PCCA: variants seen among roughly 807,000 people sequenced by gnomAD.
PCCA encodes the protein propionyl-CoA carboxylase subunit alpha.
A neutral mutation model predicts 101.3 loss-of-function variants in PCCA; 74 were observed. The ratio of observed to expected loss-of-function variants is 0.73; its 90% CI spans 0.61 to 0.89. The LOEUF is 0.89. Among genes scored for constraint, PCCA ranks in the 40% least tolerant of loss-of-function variants. The probability of loss-of-function intolerance (pLI) is 0.00; values close to 1 mark genes in which losing one functional copy is unlikely to be tolerated. For synonymous variants in PCCA, 294 were observed against 313.6 expected (o/e 0.94, Z 0.66); for missense variants, 891 against 907.0 (o/e 0.98, Z 0.23).
intron 15 of PCCA, among the ~76,000 whole-genome samples, chr13:100,307,484 A>G (rs550398259): frequency 2.6e-5 from 4 of 152,288 alleles, no homozygotes; most frequent in Admixed American, 2.6e-4. Context: ...CCACACCATC[A>G]CACACATGCA....
chr13:100,367,912 C>T (rs939079311), intron 18 of PCCA, among the ~76,000 whole-genome samples: 2 of 151,462 alleles, frequency 1.3e-5, no homozygotes, highest in African/African-American at 2.4e-5. Context: ...GAGCCGAAAT[C>T]GCACCATTGC....
chr13:100,108,399 T>C (rs1046643543), intron 2 of PCCA, among the ~76,000 whole-genome samples: 6 of 152,196 alleles, frequency 3.9e-5, no homozygotes, highest in Non-Finnish European at 8.8e-5. Context: ...TGAGTGACTC[T>C]CCACATATAG....
intron 2 of PCCA, among the ~76,000 whole-genome samples, chr13:100,108,188 A>G (rs1471319062): frequency 1.3e-5 from 2 of 152,160 alleles, no homozygotes; most frequent in African/African-American, 4.8e-5. Flanking sequence ...TAGAGAGAGA[A>G]TGGGTTAAGA....
chr13:100,156,598 A>T (rs1409145126), intron 5 of PCCA, among the ~76,000 whole-genome samples: 12 of 152,308 alleles, frequency 7.9e-5, no homozygotes, highest in South Asian at 4.1e-4. Context: ...TGAGGATAGT[A>T]TAAAGTAGTT....
intron 7 of PCCA, among the ~76,000 whole-genome samples, chr13:100,226,467 C>T (rs367723899): frequency 2.0e-5 from 3 of 151,986 alleles, no homozygotes; most frequent in African/African-American, 4.8e-5. Context: ...TGGTGGTCGG[C>T]GTTGACACTA....
At chr13:100,267,566 G>T (rs1566829237) in intron 10 of PCCA, among the ~76,000 whole-genome samples, 1 of 152,116 alleles carries the variant, frequency 6.6e-6, no homozygotes, top group African/African-American at 2.4e-5. Flanking sequence ...TTGCATAGCT[G>T]TTTGGAACTA....
chr13:100,264,563 T>A (rs1194307165), intron 10 of PCCA, among the ~76,000 whole-genome samples: 2 of 152,194 alleles, frequency 1.3e-5, no homozygotes, highest in African/African-American at 4.8e-5. Context: ...GGCTCTGTTG[T>A]CCTTTGCTTC....
At chr13:100,138,308 A>G (rs1157192706) in intron 4 of PCCA, among the ~76,000 whole-genome samples, 1 of 151,694 alleles carries the variant, frequency 6.6e-6, no homozygotes, top group Non-Finnish European at 1.5e-5. Context: ...TACATACTTA[A>G]CTTCCTATGG....
At chr13:100,133,799 A>C (rs2050819413) in intron 4 of PCCA, among the ~76,000 whole-genome samples, 1 of 152,178 alleles carries the variant, frequency 6.6e-6, no homozygotes, top group African/African-American at 2.4e-5. Context: ...GGCACCCTCT[A>C]ATCAGCTGCC....
intron 19 of PCCA, among the ~76,000 whole-genome samples, chr13:100,406,619 G>A (rs1358958501): frequency 2.0e-5 from 3 of 152,152 alleles, no homozygotes; most frequent in African/African-American, 4.8e-5. Flanking sequence ...TAGGAGAATC[G>A]CTTGAACCGG....
chr13:100,406,803 G>T (rs1402398719), intron 19 of PCCA, among the ~76,000 whole-genome samples: 2 of 152,120 alleles, frequency 1.3e-5, no homozygotes, highest in Non-Finnish European at 2.9e-5. Flanking sequence ...AGTCAAAAAG[G>T]TTGCTTCAGG....
At chr13:100,495,013 G>A (rs1253463285) in intron 21 of PCCA, among the ~76,000 whole-genome samples, 1 of 152,038 alleles carries the variant, frequency 6.6e-6, no homozygotes, top group Non-Finnish European at 1.5e-5. Flanking sequence ...TGGTAGGAGG[G>A]ACCTTAGAGG....
chr13:100,446,552 C>T (rs1349778965), intron 20 of PCCA, among the ~76,000 whole-genome samples: 2 of 152,142 alleles, frequency 1.3e-5, no homozygotes, highest in African/African-American at 4.8e-5. Context: ...GCCAGCAGTG[C>T]CCAACACAGT....
At chr13:100,372,461 A>G (rs1246895687) in intron 19 of PCCA, among the ~76,000 whole-genome samples, 1 of 152,226 alleles carries the variant, frequency 6.6e-6, no homozygotes, top group African/African-American at 2.4e-5. Flanking sequence ...CCAAAAGCAC[A>G]GGCACAAAAG....
At chr13:100,440,157 TA>T (rs1468295795) in intron 20 of PCCA, among the ~76,000 whole-genome samples, 28 of 454 alleles carry the variant, frequency 0.062, no homozygotes, top group South Asian at 0.18. Flanking sequence ...AGTATTAAAT[TA>T]TATATATATA....
chr13:100,175,440 A>G (rs911659298), intron 6 of PCCA, among the ~76,000 whole-genome samples: 6 of 152,202 alleles, frequency 3.9e-5, no homozygotes, highest in African/African-American at 1.4e-4. Context: ...CTTTCCATCT[A>G]TAAGGTAGTG....
intron 18 of PCCA, among the ~76,000 whole-genome samples, chr13:100,348,420 T>C (rs1022690888): frequency 2.0e-5 from 3 of 152,218 alleles, no homozygotes; most frequent in East Asian, 3.8e-4. Flanking sequence ...ATGAGCTCAA[T>C]CTTTTTCTGA....
intron 21 of PCCA, chr13:100,464,296 C>T (rs1365757636): frequency 6.6e-6 from 1 of 152,164 alleles, no homozygotes; most frequent in Non-Finnish European, 1.5e-5. Flanking sequence ...TGTCTCTTAG[C>T]TTTGTGAATT....
At chr13:100,444,769 G>T (rs989498576) in intron 20 of PCCA, among the ~76,000 whole-genome samples, 2 of 152,076 alleles carry the variant, frequency 1.3e-5, no homozygotes, top group African/African-American at 2.4e-5. Context: ...CAAGCAATCT[G>T]CCCGCCTCGG....
Sources: gnomAD v4.1 joint callset for allele counts (sites outside exome capture counted in the v4.1 genomes callset) on GRCh38, gnomAD v4.1.1 for gene constraint, MANE v1.5 for transcripts, NCBI Gene and HGNC (gene_info 2026-07-23, HGNC 2026-07-21) for gene names.